The following KLK7 variants were observed in gnomAD, a reference collection of about 807,000 sequenced individuals.
KLK7 encodes kallikrein related peptidase 7, also known as kallikrein-7.
In KLK7, 17 loss-of-function variants were observed where a neutral mutation model predicts 21.0. That is an observed-to-expected ratio of 0.81 (90% CI 0.55 to 1.21). The LOEUF is 1.21. KLK7 is among the 50% of genes most tolerant of loss of function. KLK7 has a pLI of 0.00. For synonymous variants in KLK7, 151 were observed against 134.6 expected (o/e 1.12, Z -0.85); for missense variants, 330 against 322.8 (o/e 1.02, Z -0.17).
chr19:50,982,139 G>A lies in KLK7; in HGVS notation c.73+188C>T, dbSNP rs1600112447. Reference sequence around the variant, plus strand: ...CCACAGAGAGACCCTGAGCACAGGAGGCAGGGCCTGGAGGGGACAGAGACC... The same window carrying A: ...CCACAGAGAGACCCTGAGCACAGGAAGCAGGGCCTGGAGGGGACAGAGACC... On this transcript the variant is annotated intron_variant, in intron 2 of 5. Coordinates refer to ENST00000595820, the MANE Select transcript of KLK7 (RefSeq NM_005046.4). 9.2e-6 allele frequency: 8 copies of A among 868,626 alleles called. No individual in the cohort carries two copies. The East Asian group carries it at 2.1e-4, about 23-fold the overall frequency. 53.8% of individuals were successfully genotyped at this position (868,626 alleles called of 1,614,324 possible).
At position 50,980,325 on chromosome 19, in the gene KLK7, C is replaced by T. The variant is rs772391930; in HGVS notation, c.384G>A (p.Val128=). ...LNSQARLSSM[V]KKVRLPSRCE... is the part of the protein sequence containing the mutation. ...AGCGGGAGGGCAGCCTGACTTTCTT[C>T]ACCATGGATGACAGCCTGGCCTGGC... The change falls in exon 4 of 6, where the codon GTG becomes GTA. Residue 128 remains valine (V), a synonymous_variant. Coordinates refer to ENST00000595820, the MANE Select transcript of KLK7 (RefSeq NM_005046.4). 1 of 1,614,070 alleles carries T rather than the reference C, an allele frequency of 6.2e-7. No homozygotes were observed. The highest frequency in any genetic ancestry group is 8.5e-7 in the Non-Finnish European group (1 of 1,179,960).
chr19:50,982,929 C>T (rs564752602), intron 1 of KLK7, among the ~76,000 whole-genome samples: 4 of 97,658 alleles, frequency 4.1e-5, no homozygotes, highest in African/African-American at 1.4e-4. Context: ...CCCCCAGCCC[C>T]GCCTCCCTCA....
Position 50,982,458 on chromosome 19 carries a change from C to G in KLK7, c.-58-1G>C, listed in dbSNP as rs1243899322. ...CGAGGAAGGGCCTCTCCTGCTGGAG[C>G]TGAGAAGGAGAAAGCATTCAGGCCC... On this transcript the variant is annotated splice_acceptor_variant, in intron 1 of 5. Transcript: ENST00000595820. LOFTEE classifies it low-confidence loss of function (5UTR_SPLICE). 6.4e-7 allele frequency: 1 copy of G among 1,558,928 alleles called. No individual in the cohort carries two copies. Among genetic ancestry groups the G allele is most frequent in the South Asian group, 1.2e-5 (1 of 84,978 alleles).
chr19:50,976,674 T>G lies in KLK7; in HGVS notation c.*862A>C, dbSNP rs1240103091. The G allele has an allele frequency of 6.6e-6, 1 of 152,226 alleles. No homozygotes were observed. The highest frequency in any genetic ancestry group is 2.4e-5 in the African/African-American group (1 of 41,444). The allele number at this position is 152,226 out of a possible 1,614,324, so 9.4% of individuals were successfully genotyped here. On this transcript the variant is annotated 3_prime_UTR_variant, in exon 6 of 6. Coordinates refer to ENST00000595820, the MANE Select transcript of KLK7 (RefSeq NM_005046.4). ...ATATTTTTGTCCTTCCTTTTGTCAT[T>G]TAACATCCTATAGCCTAAATGTTCT...
chr19:50,981,959 G>A (rs2091092835), intron 2 of KLK7, 45 bp from the exon 3 acceptor site: 1 of 1,596,212 alleles, frequency 6.3e-7, no homozygotes, highest in South Asian at 1.1e-5. Context: ...AGCATTAGGG[G>A]AAGGCTGAGG....
At chr19:50,980,187 G>T in intron 4 of KLK7, 53 bp downstream of exon 4, 9 of 1,578,494 alleles carry the variant, frequency 5.7e-6, no homozygotes, top group Non-Finnish European at 7.8e-6. Flanking sequence ...GGACTCCTGG[G>T]TCTGAGGGAG....
At position 50,982,205 on chromosome 19, in the gene KLK7, G is replaced by C; in HGVS notation, c.73+122C>G. 10 of 1,324,794 alleles carry C rather than the reference G, an allele frequency of 7.5e-6. No homozygotes were observed. In the South Asian group the frequency reaches 9.1e-5, roughly 12 times the overall value. The allele number at this position is 1,324,794 out of a possible 1,614,324, so 82.1% of individuals were successfully genotyped here. A position where few individuals can be genotyped will look rare whatever the true frequency, so the allele number is the denominator to read the frequency against. ...AGCAGGAAGAGCGGGGGCTTCAGCC[G>C]ACAGTCTGGTCCTCCCAGGATGGAA... is the stretch of plus-strand genomic sequence containing the variant. On this transcript the variant is annotated intron_variant, in intron 2 of 5. Coordinates refer to ENST00000595820, the MANE Select transcript of KLK7 (RefSeq NM_005046.4).
chr19:50,978,526 A>G (rs2091052676), intron 5 of KLK7, among the ~76,000 whole-genome samples: 1 of 144,590 alleles, frequency 6.9e-6, no homozygotes, highest in South Asian at 2.3e-4. Flanking sequence ...GAGACAGACA[A>G]AGAGATGAGG....
At chr19:50,977,734 A>C in intron 5 of KLK7, 43 bp from the exon 6 acceptor site, 1 of 1,591,476 alleles carries the variant, frequency 6.3e-7, no homozygotes, top group Non-Finnish European at 8.6e-7. Flanking sequence ...CTTCAGATCA[A>C]AGCCCAACTC....
intron 1 of KLK7, 22 bp downstream of exon 1, chr19:50,983,829 C>T (rs1053542031): frequency 5.9e-5 from 76 of 1,289,258 alleles, no homozygotes; most frequent in Non-Finnish European, 7.6e-5. Context: ...ACAGGTGCAC[C>T]CTTGATGAAG....
intron 2 of KLK7, 88 bp from the exon 3 acceptor site, chr19:50,982,002 G>T: frequency 1.5e-6 from 2 of 1,336,394 alleles, no homozygotes; most frequent in Non-Finnish European, 2.1e-6. Context: ...GTCAGAGATG[G>T]ACAGAGACAG....
chr19:50,980,976 G>C lies in KLK7; in HGVS notation c.222-489C>G, dbSNP rs570955436. Among the ~76,000 whole-genome samples the C allele has an allele frequency of 4.8e-5, 7 of 144,440 alleles. No homozygotes were observed. The South Asian group carries it at 1.4e-3, about 29-fold the overall frequency. The allele number at this position is 144,440 out of a possible 152,430, so 94.8% of individuals were successfully genotyped here. The stretch of plus-strand genomic sequence containing the variant: ...AGAGCCCCAGAGAGAGGAAGACAGA[G>C]AGCCAGGGAGAGAGGGGGACAGAGC... On this transcript the variant is annotated intron_variant, in intron 3 of 5. Coordinates refer to ENST00000595820, the MANE Select transcript of KLK7 (RefSeq NM_005046.4).
chr19:50,979,234 T>C (rs2091058286), intron 5 of KLK7, among the ~76,000 whole-genome samples: 1 of 152,072 alleles, frequency 6.6e-6, no homozygotes, highest in Non-Finnish European at 1.5e-5. Flanking sequence ...CAATACACAA[T>C]ACTTCAATGC....
intron 5 of KLK7, 62 bp from the exon 6 acceptor site, chr19:50,977,753 A>G (rs2091048473): frequency 6.5e-7 from 1 of 1,530,128 alleles, no homozygotes; most frequent in Admixed American, 1.7e-5. Flanking sequence ...TCATTCTCAT[A>G]CATTCCTCAG....
At chr19:50,979,639 A>G in intron 5 of KLK7, 149 bp downstream of exon 5, 1 of 713,844 alleles carries the variant, frequency 1.4e-6, no homozygotes, top group Non-Finnish European at 2.3e-6. Flanking sequence ...TGACCTAGGC[A>G]GAGAATGAGG....
chr19:50,976,568 C>T lies in KLK7; in HGVS notation c.*968G>A, dbSNP rs903930685. On this transcript the variant is annotated 3_prime_UTR_variant, in exon 6 of 6. Coordinates refer to ENST00000595820, the MANE Select transcript of KLK7 (RefSeq NM_005046.4). ...AGGAAGGAGACACCTCATGACGACC[C>T]CAGTATGCAGTCTGGGACATGTGTT... 1 of 152,176 alleles carries T rather than the reference C, an allele frequency of 6.6e-6. No homozygotes were observed. The highest frequency in any genetic ancestry group is 2.4e-5 in the African/African-American group (1 of 41,456). The allele number at this position is 152,176 out of a possible 1,614,324, so 9.4% of individuals were successfully genotyped here.
chr19:50,977,704 G>C lies in KLK7; in HGVS notation c.607-13C>G, dbSNP rs113580433. Reference sequence around the variant, plus strand: ...CCCCTGAGTCACCCTAGAGGGAATAGAGCCGGAGATTAACTTTGGCTTCAG... The same window carrying C: ...CCCCTGAGTCACCCTAGAGGGAATACAGCCGGAGATTAACTTTGGCTTCAG... On this transcript the variant is annotated splice_polypyrimidine_tract_variant and intron_variant, in intron 5 of 5. Coordinates refer to ENST00000595820, the MANE Select transcript of KLK7 (RefSeq NM_005046.4). 6.2e-6 allele frequency: 10 copies of C among 1,608,208 alleles called. No homozygotes were observed. Among genetic ancestry groups the C allele is most frequent in the Admixed American group, 3.3e-5 (2 of 59,840 alleles).
rs142863806 is a variant in KLK7, at chr19:50,979,863, C to T, written c.531G>A (p.Thr177=). The change falls in exon 5 of 6, where the codon ACG becomes ACA. Residue 177 remains threonine, a synonymous_variant. Transcript: ENST00000595820. ...DVKLISPQDC[T]KVYKDLLENS... ...TTTCCAGTAAGTCCTTGTAAACCTT[C>T]GTGCAGTCCTGGGGGGAGATGAGCT... 1.2e-5 allele frequency: 19 copies of T among 1,587,440 alleles called. No homozygotes were observed. The highest frequency in any genetic ancestry group is 2.3e-5 in the East Asian group (1 of 44,052).
rs139419741 is a variant in KLK7 at position 50,982,401 on chromosome 19, G to A, written c.-2C>T. 2.8e-4 allele frequency: 456 copies of A among 1,606,578 alleles called. No individual in the cohort carries two copies. The Middle Eastern group carries it at 3.0e-3, about 11-fold the overall frequency. On this transcript the variant is annotated 5_prime_UTR_variant, in exon 2 of 6. Coordinates refer to ENST00000595820, the MANE Select transcript of KLK7 (RefSeq NM_005046.4). Reference sequence around the variant, plus strand: ...GGGCAGGAGAAGGGATCTTGCCATGGTGCCCTGCTGAGCCGCTCAGGGGCT... The same window carrying A: ...GGGCAGGAGAAGGGATCTTGCCATGATGCCCTGCTGAGCCGCTCAGGGGCT...
Sources: gnomAD v4.1 joint callset for allele counts (sites outside exome capture counted in the v4.1 genomes callset) on GRCh38, gnomAD v4.1.1 for gene constraint, MANE v1.5 for transcripts, NCBI Gene and HGNC (gene_info 2026-07-23, HGNC 2026-07-21) for gene names.